RNF111: variants seen among roughly 807,000 people sequenced by gnomAD.
RNF111 encodes E3 ubiquitin-protein ligase Arkadia.
RNF111 carries 17 observed loss-of-function variants against 95.1 expected under a neutral mutation model. The ratio of observed to expected loss-of-function variants is 0.18; its 90% CI spans 0.12 to 0.27. The LOEUF is 0.27. RNF111 is among the 10% of genes least tolerant of loss of function. The pLI, the probability that RNF111 is intolerant of heterozygous loss-of-function variation, is 1.00. For synonymous variants in RNF111, 440 were observed against 414.8 expected (o/e 1.06, Z -0.74); for missense variants, 1,189 against 1,210.4 (o/e 0.98, Z 0.26).
At chr15:59,080,340 C>G (rs1214917639) in intron 7 of RNF111, among the ~76,000 whole-genome samples, 1 of 151,956 alleles carries the variant, frequency 6.6e-6, no homozygotes, top group African/African-American at 2.4e-5. Flanking sequence ...AGGCTGGTCT[C>G]GAACTCCTGG....
At chr15:59,038,320 A>G (rs2041283927) in intron 2 of RNF111, among the ~76,000 whole-genome samples, 1 of 152,028 alleles carries the variant, frequency 6.6e-6, no homozygotes, top group South Asian at 2.1e-4. Context: ...TAATAGCTGT[A>G]TATATATATA....
intron 5 of RNF111, among the ~76,000 whole-genome samples, chr15:59,063,505 T>A (rs186642957): frequency 6.6e-6 from 1 of 152,296 alleles, no homozygotes; most frequent in East Asian, 1.9e-4. Context: ...ATTGTCTCAT[T>A]TTTAGTGGGC....
intron 7 of RNF111, among the ~76,000 whole-genome samples, chr15:59,078,162 G>C (rs2078622300): frequency 6.6e-6 from 1 of 152,134 alleles, no homozygotes; most frequent in Non-Finnish European, 1.5e-5. Flanking sequence ...CTTGTAAAAT[G>C]GGAATAATTC....
At chr15:58,997,200 C>G (rs1313056507) in intron 1 of RNF111, among the ~76,000 whole-genome samples, 1 of 152,006 alleles carries the variant, frequency 6.6e-6, no homozygotes, top group Non-Finnish European at 1.5e-5. Context: ...TCCTATGACC[C>G]AAGTCTTTTC....
Position 59,082,413 on chromosome 15 carries a change from C to T in RNF111, c.2297+1129C>T, listed in dbSNP as rs534483187. On this transcript the variant is annotated intron_variant, in intron 8 of 13. Transcript: ENST00000348370. ...ATATCAAAGATTTGAATGTTACTAA[C>T]GAGAGGGAAGGAAAGTATTAATAGA... Among the ~76,000 whole-genome samples, 4 of 152,132 alleles carry T rather than the reference C, an allele frequency of 2.6e-5. No homozygotes were observed. In the East Asian group the frequency reaches 5.8e-4, roughly 22 times the overall value.
intron 1 of RNF111, chr15:59,004,305 GT>G: frequency 4.5e-6 from 1 of 221,304 alleles, no homozygotes. Flanking sequence ...GGAACTTGCT[GT>G]TTAGGTTTAC....
chr15:59,032,006 T>A (rs2040934110), intron 2 of RNF111, among the ~76,000 whole-genome samples: 1 of 152,068 alleles, frequency 6.6e-6, no homozygotes, highest in South Asian at 2.1e-4. Flanking sequence ...TGGCGCAATC[T>A]CGGCTCACTG....
rs34209382 is a variant in RNF111 at position 58,995,764 on chromosome 15, CTT to C, written c.-20+7719_-20+7720del. ...CAGGCATGAGATGCCGTGCCCCGGC[CTT>C]TTTTTTTTTTTTTTTTTTTTTTAAG... On this transcript the variant is annotated intron_variant, in intron 1 of 13. Transcript: ENST00000348370. 6.9e-4 allele frequency among the ~76,000 whole-genome samples: 69 copies of C among 99,518 alleles called. No individual in the cohort carries two copies. The East Asian group carries it at 7.6e-3, about 11-fold the overall frequency. The allele number at this position is 99,518 out of a possible 152,430, so 65.3% of individuals were successfully genotyped here. A position where few individuals can be genotyped will look rare whatever the true frequency, so the allele number is the denominator to read the frequency against.
chr15:59,093,573 T>G, intron 13 of RNF111: 1 of 266,628 alleles, frequency 3.8e-6, no homozygotes. Flanking sequence ...GACTATTCCC[T>G]TCTTGCACCT....
intron 1 of RNF111, among the ~76,000 whole-genome samples, chr15:58,989,134 G>T (rs1365009162): frequency 3.9e-5 from 6 of 152,024 alleles, no homozygotes; most frequent in African/African-American, 1.5e-4. Flanking sequence ...GCTGGACTTA[G>T]CTTTATTACA....
chr15:59,021,962 C>T (rs1017646059), intron 1 of RNF111, among the ~76,000 whole-genome samples: 9 of 151,964 alleles, frequency 5.9e-5, no homozygotes, highest in African/African-American at 1.9e-4. Flanking sequence ...CAGGTTCAAG[C>T]GATCCTCCCG....
At chr15:59,004,024 G>C (rs2039434375) in intron 1 of RNF111, 1 of 242,294 alleles carries the variant, frequency 4.1e-6, no homozygotes, top group East Asian at 1.7e-4. Flanking sequence ...GAAGAAGTTT[G>C]AGTGACCTAT....
intron 7 of RNF111, 91 bp downstream of exon 7, chr15:59,076,306 T>A: frequency 7.0e-7 from 1 of 1,436,588 alleles, no homozygotes; most frequent in Non-Finnish European, 9.4e-7. Flanking sequence ...TCCCAGTTCT[T>A]AAATTTTTAG....
At chr15:59,051,226 G>A (rs2041964861) in intron 2 of RNF111, among the ~76,000 whole-genome samples, 1 of 151,944 alleles carries the variant, frequency 6.6e-6, no homozygotes, top group Non-Finnish European at 1.5e-5. Flanking sequence ...GGCTGAGGAG[G>A]GTGGATCATG....
At chr15:59,033,966 C>G (rs1412355543) in intron 2 of RNF111, among the ~76,000 whole-genome samples, 2 of 152,086 alleles carry the variant, frequency 1.3e-5, no homozygotes, top group East Asian at 1.9e-4. Context: ...TAATAACATT[C>G]ACACGATATG....
At chr15:59,002,320 G>A (rs1299147487) in intron 1 of RNF111, among the ~76,000 whole-genome samples, 1 of 152,016 alleles carries the variant, frequency 6.6e-6, no homozygotes, top group Non-Finnish European at 1.5e-5. Context: ...CTTCTTTCAG[G>A]TTTTTCCTTT....
In RNF111 at chr15:58,992,562, A is replaced by C. The variant is rs533762394; in HGVS notation, c.-20+4494A>C. On this transcript the variant is annotated intron_variant, in intron 1 of 13. Transcript: ENST00000348370. ...GCTGGGCCCAGTGGCTCATGCCTGT[A>C]ATCATAGCACCTTGGGAGGCTGAGG... 9.2e-5 allele frequency among the ~76,000 whole-genome samples: 14 copies of C among 152,270 alleles called. No individual in the cohort carries two copies. The South Asian group carries it at 1.4e-3, about 16-fold the overall frequency.
chr15:59,040,146 A>G (rs1268956027), intron 2 of RNF111, among the ~76,000 whole-genome samples: 8 of 147,262 alleles, frequency 5.4e-5, no homozygotes, highest in Non-Finnish European at 1.0e-4. Context: ...GGACGGTCTC[A>G]CTCTGTTGCC....
chr15:59,054,009 C>T (rs2042102707), intron 3 of RNF111, among the ~76,000 whole-genome samples: 1 of 152,156 alleles, frequency 6.6e-6, no homozygotes, highest in Non-Finnish European at 1.5e-5. Flanking sequence ...CATCTTGGCT[C>T]ACCGCAGCCT....
Sources: allele counts gnomAD v4.1 joint callset (sites outside exome capture counted in the v4.1 genomes callset), GRCh38; gene constraint gnomAD v4.1.1; transcripts MANE v1.5; gene names NCBI Gene and HGNC (gene_info 2026-07-23, HGNC 2026-07-21).